JAZF1: variants seen among roughly 807,000 people sequenced by gnomAD.
JAZF1 encodes juxtaposed with another zinc finger protein 1.
In JAZF1, 8 loss-of-function variants were observed where a neutral mutation model predicts 26.4. The ratio of observed to expected loss-of-function variants is 0.30; its 90% CI spans 0.18 to 0.55. The LOEUF is 0.55. Ranked by LOEUF, JAZF1 falls within the 20% of genes least tolerant of loss-of-function variation. JAZF1 has a pLI of 0.94. For synonymous variants in JAZF1, 126 were observed against 122.3 expected (o/e 1.03, Z -0.20); for missense variants, 199 against 322.0 (o/e 0.62, Z 2.92).
chr7:28,077,326 G>A (rs1305187165), intron 1 of JAZF1, among the ~76,000 whole-genome samples: 7 of 152,012 alleles, frequency 4.6e-5, no homozygotes, highest in African/African-American at 1.7e-4. Context: ...CTATTAAGCC[G>A]ACCATACAGA....
chr7:28,064,610 A>G (rs1783851249), intron 1 of JAZF1, among the ~76,000 whole-genome samples: 1 of 152,246 alleles, frequency 6.6e-6, no homozygotes, highest in African/African-American at 2.4e-5. Context: ...GTCAAACAGA[A>G]CTTCCTCATA....
intron 3 of JAZF1, among the ~76,000 whole-genome samples, chr7:27,851,195 G>A (rs1342969567): frequency 6.6e-6 from 1 of 152,126 alleles, no homozygotes; most frequent in Non-Finnish European, 1.5e-5. Flanking sequence ...CACCCGCCTC[G>A]GCCTCCCAAA....
intron 2 of JAZF1, among the ~76,000 whole-genome samples, chr7:27,964,966 T>C (rs960373342): frequency 6.6e-6 from 1 of 152,148 alleles, no homozygotes; most frequent in Admixed American, 6.5e-5. Context: ...TGTTCGCATG[T>C]GTTTCTTTTT....
intron 1 of JAZF1, among the ~76,000 whole-genome samples, chr7:28,069,796 C>T (rs1014866209): frequency 2.6e-5 from 4 of 152,182 alleles, no homozygotes; most frequent in Admixed American, 1.3e-4. Context: ...CTGCAGCATT[C>T]ACCATGCTGA....
intron 1 of JAZF1, among the ~76,000 whole-genome samples, chr7:28,000,434 A>G (rs762050455): frequency 5.3e-5 from 8 of 152,150 alleles, no homozygotes; most frequent in Non-Finnish European, 1.0e-4. Context: ...CTTTAAAACT[A>G]CACGAATATT....
intron 1 of JAZF1, among the ~76,000 whole-genome samples, chr7:28,170,508 T>G (rs1471288531): frequency 6.6e-6 from 1 of 152,082 alleles, no homozygotes; most frequent in Non-Finnish European, 1.5e-5. Context: ...TTTGGACAAT[T>G]CAGTAATTAC....
At chr7:27,882,108 G>A (rs1044429117) in intron 3 of JAZF1, among the ~76,000 whole-genome samples, 4 of 152,160 alleles carry the variant, frequency 2.6e-5, no homozygotes, top group Non-Finnish European at 5.9e-5. Flanking sequence ...AGAATGATTT[G>A]TCCTGGGGCC....
intron 2 of JAZF1, among the ~76,000 whole-genome samples, chr7:27,949,457 C>T (rs1379211616): frequency 6.6e-6 from 1 of 152,200 alleles, no homozygotes; most frequent in Admixed American, 6.5e-5. Flanking sequence ...CATGCTCATG[C>T]ATGATGCTGA....
At chr7:27,875,090 T>C (rs976924385) in intron 3 of JAZF1, among the ~76,000 whole-genome samples, 1 of 152,142 alleles carries the variant, frequency 6.6e-6, no homozygotes, top group East Asian at 1.9e-4. Context: ...TAAGACCATG[T>C]CTTGATTCTA....
Position 27,930,133 on chromosome 7 carries a change from T to C in JAZF1, c.189-34717A>G, listed in dbSNP as rs560212972. The stretch of plus-strand genomic sequence containing the variant: ...GCCTCAGCCCCCCGAGTAGCTGGGA[T>C]TACAGGCACCTGCCACCACGCTCGG... On this transcript the variant is annotated intron_variant, in intron 2 of 4. Transcript: ENST00000283928. Among the ~76,000 whole-genome samples the C allele has an allele frequency of 2.5e-3, 383 of 152,144 alleles. 1 individual carries two copies. The highest frequency in any genetic ancestry group is 9.0e-3 in the African/African-American group (372 of 41,520).
At chr7:27,949,959 AG>A (rs1238723038) in intron 2 of JAZF1, among the ~76,000 whole-genome samples, 1 of 152,170 alleles carries the variant, frequency 6.6e-6, no homozygotes, top group Non-Finnish European at 1.5e-5. Context: ...GGAACTTCCC[AG>A]GATTCCTGAC....
intron 3 of JAZF1, chr7:27,844,594 A>C (rs969565317): frequency 6.6e-6 from 1 of 152,268 alleles, no homozygotes; most frequent in African/African-American, 2.4e-5. Flanking sequence ...TTTTATTATA[A>C]ATGCCAAATA....
At chr7:28,045,415 C>A (rs1274664922) in intron 1 of JAZF1, among the ~76,000 whole-genome samples, 1 of 152,140 alleles carries the variant, frequency 6.6e-6, no homozygotes, top group Non-Finnish European at 1.5e-5. Flanking sequence ...TAAACTATTT[C>A]TCCACCACTA....
chr7:28,117,544 G>A (rs765245489), intron 1 of JAZF1, among the ~76,000 whole-genome samples: 2 of 152,086 alleles, frequency 1.3e-5, no homozygotes, highest in Non-Finnish European at 2.9e-5. Flanking sequence ...AATGGTATGA[G>A]ATATGAAACC....
rs1281855496 is a variant in JAZF1, at chr7:28,110,612, A to AG, written c.115+69850dup. Among the ~76,000 whole-genome samples, 499 of 136,954 alleles carry AG rather than the reference A, an allele frequency of 3.6e-3. 13 individuals carry two copies. Among genetic ancestry groups the AG allele is most frequent in the African/African-American group, 0.013 (470 of 37,580 alleles). The allele number at this position is 136,954 out of a possible 152,430, so 89.8% of individuals were successfully genotyped here. ...AAAGGAAAAGGAAAAGGAAAAGGAA[A>AG]GGAAAAGGAAAGGAAAGGAAAGGAA... On this transcript the variant is annotated intron_variant, in intron 1 of 4. Transcript: ENST00000283928.
intron 2 of JAZF1, among the ~76,000 whole-genome samples, chr7:27,952,747 C>G (rs1355030597): frequency 6.6e-6 from 1 of 152,190 alleles, no homozygotes; most frequent in East Asian, 1.9e-4. Flanking sequence ...CAAATTTCAT[C>G]TGTTTTCTTG....
intron 3 of JAZF1, chr7:27,846,357 G>A (rs1031552835): frequency 1.1e-4 from 38 of 350,534 alleles, no homozygotes; most frequent in African/African-American, 6.8e-4. Context: ...ACACGTATAC[G>A]TGTACATATG....
chr7:28,019,992 A>G (rs1782975922), intron 1 of JAZF1, among the ~76,000 whole-genome samples: 1 of 152,036 alleles, frequency 6.6e-6, no homozygotes, highest in Non-Finnish European at 1.5e-5. Context: ...GAGGGCTACA[A>G]AAGCCTACCT....
rs1443062034 is a variant in JAZF1, at chr7:27,932,288, G to C, written c.189-36872C>G. ...CTGGGGATGAAAGGAGGCATGTGTT[G>C]TGTGTAAATCCATGTATAATGAGAA... is the stretch of plus-strand genomic sequence containing the variant. On this transcript the variant is annotated intron_variant, in intron 2 of 4. Coordinates refer to ENST00000283928, the MANE Select transcript of JAZF1 (RefSeq NM_175061.4). Among the ~76,000 whole-genome samples the C allele has an allele frequency of 3.3e-5, 5 of 152,194 alleles. No homozygotes were observed. The East Asian group carries it at 9.6e-4, about 29-fold the overall frequency.
Sources: allele counts gnomAD v4.1 joint callset (sites outside exome capture counted in the v4.1 genomes callset), GRCh38; gene constraint gnomAD v4.1.1; transcripts MANE v1.5; gene names NCBI Gene and HGNC (gene_info 2026-07-23, HGNC 2026-07-21).